ATRNL1: variants seen among roughly 807,000 people sequenced by gnomAD.
ATRNL1 encodes attractin-like protein 1.
ATRNL1 carries 95 observed loss-of-function variants against 182.7 expected under a neutral mutation model. That is an observed-to-expected ratio of 0.52 (90% CI 0.44 to 0.62). The LOEUF is 0.62. ATRNL1 is among the 20% of genes least tolerant of loss of function. ATRNL1 has a pLI of 0.00. For synonymous variants in ATRNL1, 576 were observed against 568.3 expected (o/e 1.01, Z -0.19); for missense variants, 1,471 against 1,679.5 (o/e 0.88, Z 2.17).
chr10:115,720,855 T>C (rs138766564), intron 26 of ATRNL1, among the ~76,000 whole-genome samples: 2 of 152,358 alleles, frequency 1.3e-5, no homozygotes, highest in African/African-American at 4.8e-5. Context: ...TAAAGTAGTT[T>C]TGCTGGCTTT....
At chr10:115,661,679 T>A (rs1860693656) in intron 26 of ATRNL1, among the ~76,000 whole-genome samples, 1 of 152,170 alleles carries the variant, frequency 6.6e-6, no homozygotes, top group South Asian at 2.1e-4. Context: ...TCTGTCATAC[T>A]AAAATTTCAA....
At chr10:115,377,497 T>C (rs1362919202) in intron 19 of ATRNL1, among the ~76,000 whole-genome samples, 2 of 152,228 alleles carry the variant, frequency 1.3e-5, no homozygotes, top group African/African-American at 4.8e-5. Flanking sequence ...TTTCCTTGCA[T>C]CTCATAAAGC....
At chr10:115,825,902 A>C (rs950044951) in intron 27 of ATRNL1, among the ~76,000 whole-genome samples, 1 of 152,078 alleles carries the variant, frequency 6.6e-6, no homozygotes, top group Admixed American at 6.6e-5. Flanking sequence ...CACTTGAACT[A>C]TTCCACCTGT....
At chr10:115,187,729 T>C (rs1640935715) in intron 8 of ATRNL1, among the ~76,000 whole-genome samples, 2 of 148,728 alleles carry the variant, frequency 1.3e-5, no homozygotes, top group Admixed American at 1.3e-4. Flanking sequence ...TCTCCCTCTG[T>C]AGCCCAGGCT....
At chr10:115,187,932 G>A (rs375175622) in intron 8 of ATRNL1, among the ~76,000 whole-genome samples, 3 of 151,432 alleles carry the variant, frequency 2.0e-5, no homozygotes, top group African/African-American at 7.3e-5. Context: ...CACCCACCTC[G>A]GTCTCCCAAA....
intron 8 of ATRNL1, among the ~76,000 whole-genome samples, chr10:115,194,723 CCATTTTGTTGTTTGTTTTCTGGT>C (rs1449430976): frequency 1.3e-5 from 2 of 151,738 alleles, no homozygotes; most frequent in Admixed American, 6.6e-5. Context: ...CTTATTACTG[CCATTTTGTTGTTTGTTTTCTGGT>C]CATTTTGTTG....
intron 26 of ATRNL1, among the ~76,000 whole-genome samples, chr10:115,630,395 T>G (rs1858406200): frequency 1.3e-5 from 2 of 151,986 alleles, no homozygotes; most frequent in African/African-American, 4.8e-5. Context: ...AAAGGGAAAC[T>G]TTAAGCACTG....
At chr10:115,273,221 C>A (rs998249117) in intron 13 of ATRNL1, among the ~76,000 whole-genome samples, 1 of 152,126 alleles carries the variant, frequency 6.6e-6, no homozygotes, top group African/African-American at 2.4e-5. Context: ...TCCATCCCTG[C>A]CACCATGGCC....
intron 26 of ATRNL1, among the ~76,000 whole-genome samples, chr10:115,661,306 C>T (rs74158214): frequency 0.012 from 1,771 of 151,964 alleles, 35 homozygotes; most frequent in African/African-American, 0.04. Flanking sequence ...TTAAATGATC[C>T]CTTTTGGACA....
intron 20 of ATRNL1, among the ~76,000 whole-genome samples, chr10:115,403,081 C>G (rs1307974183): frequency 1.3e-5 from 2 of 151,936 alleles, no homozygotes; most frequent in Non-Finnish European, 2.9e-5. Context: ...TATCAAGTCT[C>G]TTTTGTTTGT....
intron 3 of ATRNL1, among the ~76,000 whole-genome samples, chr10:115,126,134 T>G (rs1285659723): frequency 6.6e-6 from 1 of 151,970 alleles, no homozygotes; most frequent in Non-Finnish European, 1.5e-5. Flanking sequence ...CTCGGCTCAC[T>G]GCAACCTCCA....
intron 8 of ATRNL1, among the ~76,000 whole-genome samples, chr10:115,201,942 T>C (rs1167576818): frequency 2.0e-5 from 3 of 152,124 alleles, no homozygotes; most frequent in African/African-American, 7.2e-5. Flanking sequence ...GAAGAGGTCC[T>C]TCACATCCCT....
chr10:115,324,740 G>A (rs1246223002), intron 18 of ATRNL1, among the ~76,000 whole-genome samples: 1 of 152,134 alleles, frequency 6.6e-6, no homozygotes, highest in Non-Finnish European at 1.5e-5. Flanking sequence ...CCAGTTGATA[G>A]GATCATTTTA....
At chr10:115,766,064 ACAT>A (rs1555074982) in intron 27 of ATRNL1, among the ~76,000 whole-genome samples, 6 of 152,106 alleles carry the variant, frequency 3.9e-5, no homozygotes, top group African/African-American at 1.4e-4. Context: ...CACTCCTGTC[ACAT>A]ATTAGCATGT....
At chr10:115,311,285 A>T (rs1592425095) in intron 17 of ATRNL1, among the ~76,000 whole-genome samples, 1 of 147,632 alleles carries the variant, frequency 6.8e-6, no homozygotes, top group Non-Finnish European at 1.5e-5. Flanking sequence ...CACCTCCCGG[A>T]TTCAAGCAAT....
intron 27 of ATRNL1, among the ~76,000 whole-genome samples, chr10:115,732,233 C>T (rs1555063169): frequency 6.6e-6 from 1 of 152,098 alleles, no homozygotes; most frequent in East Asian, 1.9e-4. Flanking sequence ...TTGAAAAGTA[C>T]TTTCTTTCTC....
At chr10:115,224,826 A>G (rs939666595) in intron 9 of ATRNL1, among the ~76,000 whole-genome samples, 1 of 152,186 alleles carries the variant, frequency 6.6e-6, no homozygotes, top group African/African-American at 2.4e-5. Context: ...TAGAATTTTT[A>G]ATTGAAACCT....
chr10:115,911,044 G>A (rs782324582), intron 28 of ATRNL1, among the ~76,000 whole-genome samples: 5 of 151,672 alleles, frequency 3.3e-5, no homozygotes, highest in South Asian at 2.1e-4. Context: ...TCACTTTGTC[G>A]CCCAGGCTGG....
intron 5 of ATRNL1, among the ~76,000 whole-genome samples, chr10:115,131,382 A>G (rs1421624970): frequency 6.6e-6 from 1 of 152,100 alleles, no homozygotes; most frequent in African/African-American, 2.4e-5. Context: ...TTCTGAATTG[A>G]TATGTTTGAA....
Sources: allele counts gnomAD v4.1 joint callset (sites outside exome capture counted in the v4.1 genomes callset), GRCh38; gene constraint gnomAD v4.1.1; transcripts MANE v1.5; gene names NCBI Gene and HGNC (gene_info 2026-07-23, HGNC 2026-07-21).